The following KIAA1328 variants were observed in gnomAD, a reference collection of about 807,000 sequenced individuals.
KIAA1328 encodes the protein protein hinderin.
KIAA1328 carries 52 observed loss-of-function variants against 68.1 expected under a neutral mutation model. That is an observed-to-expected ratio of 0.76 (90% CI 0.61 to 0.96). KIAA1328 has a LOEUF of 0.96. Ranked by LOEUF, KIAA1328 falls within the 40% of genes least tolerant of loss-of-function variation. The pLI is 0.00. For missense variants in KIAA1328, 641 were observed against 677.6 expected, an observed-to-expected ratio of 0.95 and a Z score of 0.60; for synonymous variants, 232 against 239.4, an observed-to-expected ratio of 0.97 and a Z score of 0.28.
At chr18:37,163,273 G>A (rs938942515) in intron 8 of KIAA1328, among the ~76,000 whole-genome samples, 23 of 152,184 alleles carry the variant, frequency 1.5e-4, no homozygotes, top group African/African-American at 4.6e-4. Flanking sequence ...CACTGAGTGC[G>A]CAGTTTTCAG....
intron 5 of KIAA1328, among the ~76,000 whole-genome samples, chr18:36,922,457 ACAT>A (rs751423343): frequency 1.1e-4 from 16 of 152,294 alleles, no homozygotes; most frequent in Non-Finnish European, 2.2e-4. Flanking sequence ...GGGTATTCCC[ACAT>A]CATCATGGGA....
chr18:36,982,913 A>G (rs772499280), intron 6 of KIAA1328, among the ~76,000 whole-genome samples: 6 of 152,014 alleles, frequency 3.9e-5, no homozygotes, highest in Non-Finnish European at 8.8e-5. Context: ...ATGTAATATC[A>G]GTTGAAGATA....
chr18:37,156,949 G>A (rs985614890), intron 7 of KIAA1328, among the ~76,000 whole-genome samples: 4 of 152,190 alleles, frequency 2.6e-5, no homozygotes, highest in African/African-American at 9.6e-5. Flanking sequence ...GAAGAGGACA[G>A]GGACAGACTT....
intron 5 of KIAA1328, among the ~76,000 whole-genome samples, chr18:36,955,304 TTTTTC>T (rs1429807911): frequency 1.0e-4 from 14 of 140,338 alleles, no homozygotes; most frequent in African/African-American, 3.3e-4. Context: ...ATTTTCCTGG[TTTTTC>T]TTTTCTTTTT....
intron 6 of KIAA1328, among the ~76,000 whole-genome samples, chr18:37,022,725 A>G (rs1199005894): frequency 2.6e-5 from 4 of 152,234 alleles, no homozygotes; most frequent in Admixed American, 1.3e-4. Context: ...TAGCTTCTGC[A>G]ATTTCTTATA....
rs529746786 is a variant in KIAA1328, at chr18:37,099,744, C to G, written c.1232+32199C>G. Among the ~76,000 whole-genome samples, 3 of 151,980 alleles carry G rather than the reference C, an allele frequency of 2.0e-5. No homozygotes were observed. In the East Asian group the frequency reaches 5.8e-4, roughly 29 times the overall value. ...TGTAGGTCTCTAAGGACTTGCTTTA[C>G]GAATCTGGGTACTCCTGTATTGGGT... On this transcript the variant is annotated intron_variant, in intron 7 of 9. Transcript: ENST00000280020.
intron 8 of KIAA1328, among the ~76,000 whole-genome samples, chr18:37,167,432 T>C (rs1320759301): frequency 4.6e-5 from 7 of 152,066 alleles, no homozygotes; most frequent in African/African-American, 1.7e-4. Context: ...TGGCAGTAGC[T>C]CTCAGCAGTT....
intron 5 of KIAA1328, among the ~76,000 whole-genome samples, chr18:36,898,781 T>C (rs1232256414): frequency 6.6e-6 from 1 of 151,908 alleles, no homozygotes; most frequent in Non-Finnish European, 1.5e-5. Flanking sequence ...TGTTCTAACT[T>C]TGATTTTAAT....
chr18:36,946,837 G>A (rs2050922559), intron 5 of KIAA1328, among the ~76,000 whole-genome samples: 1 of 152,158 alleles, frequency 6.6e-6, no homozygotes, highest in African/African-American at 2.4e-5. Context: ...GGTGATGATA[G>A]TATCTTATTC....
intron 7 of KIAA1328, among the ~76,000 whole-genome samples, chr18:37,120,444 T>C (rs576729140): frequency 3.0e-4 from 45 of 152,182 alleles, no homozygotes; most frequent in African/African-American, 9.9e-4. Context: ...CTTGACCTTA[T>C]AGGAAAGAAA....
At chr18:37,069,879 T>C (rs1322020090) in intron 7 of KIAA1328, among the ~76,000 whole-genome samples, 1 of 152,108 alleles carries the variant, frequency 6.6e-6, no homozygotes. Flanking sequence ...AAATTTACTT[T>C]GCTCTTCTTT....
intron 5 of KIAA1328, among the ~76,000 whole-genome samples, chr18:36,954,067 A>G (rs2051295772): frequency 7.0e-6 from 1 of 142,674 alleles, no homozygotes; most frequent in South Asian, 2.3e-4. Context: ...CAGTGGCGCA[A>G]TCTCGGCTCA....
intron 7 of KIAA1328, among the ~76,000 whole-genome samples, chr18:37,087,050 T>G (rs778853508): frequency 6.6e-6 from 1 of 152,138 alleles, no homozygotes; most frequent in Non-Finnish European, 1.5e-5. Flanking sequence ...ATATTTCATA[T>G]CAGGTTTTTT....
chr18:36,841,241 C>G (rs2046848422), intron 3 of KIAA1328, among the ~76,000 whole-genome samples: 1 of 151,942 alleles, frequency 6.6e-6, no homozygotes, highest in African/African-American at 2.4e-5. Context: ...TTCCCTCTCT[C>G]TTTTGTGGCC....
At chr18:36,881,698 G>T (rs1388920184) in intron 4 of KIAA1328, among the ~76,000 whole-genome samples, 1 of 152,018 alleles carries the variant, frequency 6.6e-6, no homozygotes, top group Admixed American at 6.6e-5. Context: ...CATAAAAATG[G>T]AATCATATAT....
rs900138782 is a variant in KIAA1328 at position 37,156,353 on chromosome 18, G to T, written c.1233-3847G>T. ...AGGCAGGAGAACCGCTTGAACCCGG[G>T]AGGCAGAGGTTGTGGTGAGCCGAGA... On this transcript the variant is annotated intron_variant, in intron 7 of 9. Transcript: ENST00000280020. Among the ~76,000 whole-genome samples the T allele has an allele frequency of 8.6e-5, 13 of 150,294 alleles. No homozygotes were observed. The East Asian group carries it at 2.6e-3, about 30-fold the overall frequency.
chr18:37,042,595 T>G (rs1187312207), intron 6 of KIAA1328, among the ~76,000 whole-genome samples: 2 of 152,258 alleles, frequency 1.3e-5, no homozygotes, highest in Non-Finnish European at 2.9e-5. Flanking sequence ...TTGTTTCTCA[T>G]AAGATGTCAG....
intron 7 of KIAA1328, among the ~76,000 whole-genome samples, chr18:37,143,151 T>C (rs1052458506): frequency 6.6e-6 from 1 of 152,044 alleles, no homozygotes; most frequent in Admixed American, 6.6e-5. Context: ...AATGGGATTT[T>C]GCCGTGTTGG....
intron 6 of KIAA1328, among the ~76,000 whole-genome samples, chr18:36,978,650 T>C (rs910476878): frequency 4.6e-5 from 7 of 152,210 alleles, no homozygotes; most frequent in African/African-American, 1.4e-4. Flanking sequence ...TTAATAGAAA[T>C]ATAGTATACT....
Sources: allele counts gnomAD v4.1 joint callset (sites outside exome capture counted in the v4.1 genomes callset), GRCh38; gene constraint gnomAD v4.1.1; transcripts MANE v1.5; gene names NCBI Gene and HGNC (gene_info 2026-07-23, HGNC 2026-07-21).